The following MCMDC2 variants were observed in gnomAD, a reference collection of about 807,000 sequenced individuals.
MCMDC2 encodes minichromosome maintenance domain-containing protein 2.
MCMDC2 carries 54 observed loss-of-function variants against 75.8 expected under a neutral mutation model. That is an observed-to-expected ratio of 0.71 (90% CI 0.57 to 0.89). The LOEUF is 0.89. Among genes scored for constraint, MCMDC2 ranks in the 40% least tolerant of loss-of-function variants. The probability of loss-of-function intolerance (pLI) is 0.00; values close to 1 mark genes in which losing one functional copy is unlikely to be tolerated. For missense variants in MCMDC2, 656 were observed against 780.4 expected (o/e 0.84, Z 1.90); for synonymous variants, 249 against 274.6 (o/e 0.91, Z 0.92).
At chr8:66,925,074 G>C (rs191991514), downstream of MCMDC2, among the ~76,000 whole-genome samples, 1 of 152,316 alleles carries the variant, frequency 6.6e-6, no homozygotes, top group Admixed American at 6.5e-5. Flanking sequence ...CAACTTTGCT[G>C]GGGACACAAG....
intron 1 of MCMDC2, among the ~76,000 whole-genome samples, chr8:66,872,787 G>A (rs55824575): frequency 0.033 from 4,969 of 151,850 alleles, 137 homozygotes; most frequent in Non-Finnish European, 0.05. Flanking sequence ...GTGAAACTCC[G>A]TCTCTACTAA....
intron 14 of MCMDC2, among the ~76,000 whole-genome samples, chr8:66,909,870 A>G (rs1489651083): frequency 1.3e-5 from 2 of 152,222 alleles, no homozygotes; most frequent in African/African-American, 4.8e-5. Flanking sequence ...AGAGGTCTTC[A>G]CAGCAGCCCC....
At chr8:66,914,298 A>AC (rs1159681989) in intron 14 of MCMDC2, among the ~76,000 whole-genome samples, 23 of 151,650 alleles carry the variant, frequency 1.5e-4, no homozygotes, top group Non-Finnish European at 2.9e-4. Flanking sequence ...AAAAAAAAAA[A>AC]AAAAAACTAA....
At chr8:66,900,745 A>G (rs763492831) in intron 12 of MCMDC2, among the ~76,000 whole-genome samples, 1 of 152,170 alleles carries the variant, frequency 6.6e-6, no homozygotes, top group African/African-American at 2.4e-5. Context: ...ACCAAAGCCC[A>G]CCTTCAAAGC....
intron 9 of MCMDC2, among the ~76,000 whole-genome samples, chr8:66,889,444 T>C (rs1811995531): frequency 6.6e-6 from 1 of 152,086 alleles, no homozygotes. Context: ...GTGTGTGCTA[T>C]GACTGCATCA....
At chr8:66,871,155 C>A (rs998952966) in intron 1 of MCMDC2, among the ~76,000 whole-genome samples, 13 of 152,094 alleles carry the variant, frequency 8.5e-5, no homozygotes, top group African/African-American at 3.1e-4. Flanking sequence ...TCCGTGAAAA[C>A]GCGTCCACTC....
At chr8:66,906,353 T>C (rs1345528348) in intron 14 of MCMDC2, among the ~76,000 whole-genome samples, 1 of 152,196 alleles carries the variant, frequency 6.6e-6, no homozygotes, top group African/African-American at 2.4e-5. Context: ...TACATTTATA[T>C]TGTAATACCT....
At chr8:66,892,335 A>G (rs1023080246) in intron 10 of MCMDC2, among the ~76,000 whole-genome samples, 1 of 152,058 alleles carries the variant, frequency 6.6e-6, no homozygotes, top group Non-Finnish European at 1.5e-5. Context: ...TTTTGCTCCC[A>G]CTTGCAGCTC....
chr8:66,899,850 A>T (rs951793387), intron 12 of MCMDC2, among the ~76,000 whole-genome samples: 4 of 149,034 alleles, frequency 2.7e-5, no homozygotes, highest in African/African-American at 9.8e-5. Context: ...GGCCGGGCCT[A>T]GTGGCTCACG....
In MCMDC2 at chr8:66,921,062, G is replaced by A. The variant is rs1421763657; in HGVS notation, c.*1893G>A. 1 of 152,060 alleles carries A rather than the reference G, an allele frequency of 6.6e-6. No homozygotes were observed. Among genetic ancestry groups the A allele is most frequent in the Admixed American group, 6.6e-5 (1 of 15,254 alleles). The allele number at this position is 152,060 out of a possible 1,614,324, so 9.4% of individuals were successfully genotyped here. A position where few individuals can be genotyped will look rare whatever the true frequency, so the allele number is the denominator to read the frequency against. ...TGTACTGATGCAATCATAGCTCACT[G>A]CCACCTTAATCTCCCCAGCTCAAAA... On this transcript the variant is annotated 3_prime_UTR_variant, in exon 15 of 15. Coordinates refer to ENST00000422365, the MANE Select transcript of MCMDC2 (RefSeq NM_173518.5).
intron 4 of MCMDC2, among the ~76,000 whole-genome samples, chr8:66,875,187 T>C (rs962868282): frequency 2.0e-5 from 3 of 152,238 alleles, no homozygotes; most frequent in Non-Finnish European, 4.4e-5. Flanking sequence ...GCATCATCAA[T>C]TTTTTTCTAA....
At chr8:66,907,767 T>A (rs1000152728) in intron 14 of MCMDC2, among the ~76,000 whole-genome samples, 3 of 152,222 alleles carry the variant, frequency 2.0e-5, no homozygotes, top group Non-Finnish European at 2.9e-5. Flanking sequence ...ATCACCATTC[T>A]AACTGTTGTG....
At chr8:66,895,241 T>C (rs1812292688) in intron 10 of MCMDC2, among the ~76,000 whole-genome samples, 1 of 152,200 alleles carries the variant, frequency 6.6e-6, no homozygotes, top group Non-Finnish European at 1.5e-5. Flanking sequence ...TTGAATATTT[T>C]TCATCAGTGG....
chr8:66,897,374 T>G (rs1447580389), intron 12 of MCMDC2, among the ~76,000 whole-genome samples: 4 of 146,986 alleles, frequency 2.7e-5, no homozygotes, highest in Non-Finnish European at 4.5e-5. Context: ...ACCACTGCAC[T>G]CCTGCCTGGG....
At chr8:66,885,973 TA>T (rs1252238166) in intron 9 of MCMDC2, among the ~76,000 whole-genome samples, 1 of 152,200 alleles carries the variant, frequency 6.6e-6, no homozygotes, top group Non-Finnish European at 1.5e-5. Flanking sequence ...CATTTCATTA[TA>T]CGAATGTACC....
At chr8:66,924,649 A>G (rs1046468443), downstream of MCMDC2, among the ~76,000 whole-genome samples, 3 of 152,042 alleles carry the variant, frequency 2.0e-5, no homozygotes, top group African/African-American at 7.2e-5. Context: ...AAAAAAAAAA[A>G]AAGTTTCTGA....
intron 14 of MCMDC2, among the ~76,000 whole-genome samples, chr8:66,911,005 T>C (rs372690430): frequency 1.3e-5 from 2 of 152,218 alleles, no homozygotes; most frequent in East Asian, 3.8e-4. Flanking sequence ...TTATCTCAGA[T>C]GAGACTTTGG....
intron 14 of MCMDC2, 75 bp from the exon 15 acceptor site, chr8:66,918,928 G>T: frequency 8.5e-7 from 1 of 1,180,650 alleles, no homozygotes; most frequent in Non-Finnish European, 1.1e-6. Flanking sequence ...AAAATATTTT[G>T]GTTGAAAATG....
chr8:66,912,429 T>C (rs1474462969), intron 14 of MCMDC2, among the ~76,000 whole-genome samples: 1 of 152,220 alleles, frequency 6.6e-6, no homozygotes, highest in Admixed American at 6.5e-5. Context: ...GGATTTAGAA[T>C]AGTCCATAAA....
Sources: gnomAD v4.1 joint callset for allele counts (sites outside exome capture counted in the v4.1 genomes callset) on GRCh38, gnomAD v4.1.1 for gene constraint, MANE v1.5 for transcripts, NCBI Gene and HGNC (gene_info 2026-07-23, HGNC 2026-07-21) for gene names.